The following SLC4A10 variants were observed in gnomAD, a reference collection of about 807,000 sequenced individuals.
The protein encoded by SLC4A10 is sodium-driven chloride bicarbonate exchanger.
In SLC4A10, 42 loss-of-function variants were observed where a neutral mutation model predicts 137.7. The ratio of observed to expected loss-of-function variants is 0.30; its 90% confidence interval spans 0.24 to 0.39. The LOEUF is 0.39. SLC4A10 is among the 10% of genes least tolerant of loss of function. The pLI is 1.00. For missense variants in SLC4A10, 925 were observed against 1,355.0 expected (o/e 0.68, Z 4.98); for synonymous variants, 474 against 464.1 (o/e 1.02, Z -0.27).
intron 15 of SLC4A10, among the ~76,000 whole-genome samples, chr2:161,918,892 G>A (rs1310337014): frequency 7.9e-5 from 12 of 152,196 alleles, no homozygotes; most frequent in Non-Finnish European, 1.5e-5. Context: ...TTCTGAGTTG[G>A]TGGGGTGGGA....
chr2:161,837,879 G>T (rs1480250548), intron 3 of SLC4A10, among the ~76,000 whole-genome samples: 1 of 152,132 alleles, frequency 6.6e-6, no homozygotes, highest in Non-Finnish European at 1.5e-5. Context: ...ATTGGGATTA[G>T]TGCCCTTATA....
intron 4 of SLC4A10, among the ~76,000 whole-genome samples, chr2:161,852,775 A>G (rs891765533): frequency 6.6e-6 from 1 of 152,206 alleles, no homozygotes; most frequent in Admixed American, 6.5e-5. Flanking sequence ...TTTTAAAAAA[A>G]ACTTAGAGTT....
intron 1 of SLC4A10, among the ~76,000 whole-genome samples, chr2:161,754,525 G>C (rs1445837250): frequency 1.3e-5 from 2 of 152,094 alleles, no homozygotes; most frequent in Non-Finnish European, 2.9e-5. Flanking sequence ...GGCAGAAAAG[G>C]AATCAAAATT....
intron 1 of SLC4A10, among the ~76,000 whole-genome samples, chr2:161,667,828 C>T (rs1223979575): frequency 6.6e-6 from 1 of 151,506 alleles, no homozygotes; most frequent in African/African-American, 2.4e-5. Context: ...GAGGTTGTAT[C>T]TAGTTTTTTA....
intron 1 of SLC4A10, among the ~76,000 whole-genome samples, chr2:161,716,559 G>A (rs896476579): frequency 1.3e-5 from 2 of 151,696 alleles, no homozygotes. Flanking sequence ...TTATTAAATA[G>A]GGAATCCTTT....
intron 1 of SLC4A10, among the ~76,000 whole-genome samples, chr2:161,719,697 CT>C (rs1037836614): frequency 6.6e-6 from 1 of 152,166 alleles, no homozygotes; most frequent in African/African-American, 2.4e-5. Context: ...GCATAAATGT[CT>C]TCTTTTGAGA....
chr2:161,883,330 G>A (rs1162943023), intron 10 of SLC4A10, among the ~76,000 whole-genome samples: 1 of 152,086 alleles, frequency 6.6e-6, no homozygotes, highest in East Asian at 1.9e-4. Context: ...AATTAGTATT[G>A]TATATTACTT....
rs1034523157 is a variant in SLC4A10 at position 161,852,856 on chromosome 2, A to G, written c.417-2114A>G. ...TTATTTAATGTGTTTAATTTGTCTC[A>G]TCATTTTACCTGTGAGAAAACTGAC... On this transcript the variant is annotated intron_variant, in intron 4 of 26. Coordinates refer to ENST00000446997, the MANE Select transcript of SLC4A10 (RefSeq NM_001178015.2). Among the ~76,000 whole-genome samples the G allele has an allele frequency of 3.9e-5, 6 of 152,218 alleles. No homozygotes were observed. In the East Asian group the frequency reaches 1.2e-3, roughly 29 times the overall value.
chr2:161,967,300 G>C (rs1697771080), intron 23 of SLC4A10, among the ~76,000 whole-genome samples: 1 of 152,034 alleles, frequency 6.6e-6, no homozygotes, highest in Non-Finnish European at 1.5e-5. Context: ...ATAGCGTCTT[G>C]GCCAGTCTTA....
At chr2:161,732,430 C>T (rs1050592239) in intron 1 of SLC4A10, among the ~76,000 whole-genome samples, 1 of 152,158 alleles carries the variant, frequency 6.6e-6, no homozygotes, top group African/African-American at 2.4e-5. Flanking sequence ...ATATATTTTA[C>T]CATGTCACAA....
At chr2:161,734,862 G>A (rs552030892) in intron 1 of SLC4A10, among the ~76,000 whole-genome samples, 11 of 152,036 alleles carry the variant, frequency 7.2e-5, no homozygotes, top group African/African-American at 2.7e-4. Context: ...GGAGGGACCT[G>A]GTAAGAGTGA....
chr2:161,706,276 A>G (rs970557920), intron 1 of SLC4A10, among the ~76,000 whole-genome samples: 5 of 151,614 alleles, frequency 3.3e-5, no homozygotes, highest in African/African-American at 1.2e-4. Context: ...CAGTGTTTGT[A>G]TTCTTGCTGT....
At chr2:161,800,251 C>T (rs781328841) in intron 2 of SLC4A10, among the ~76,000 whole-genome samples, 14 of 151,996 alleles carry the variant, frequency 9.2e-5, no homozygotes, top group Non-Finnish European at 5.9e-5. Context: ...AGTTTTAGTA[C>T]TGTTGCTAAA....
intron 8 of SLC4A10, among the ~76,000 whole-genome samples, chr2:161,878,792 G>T (rs2061582416): frequency 6.6e-6 from 1 of 152,056 alleles, no homozygotes; most frequent in South Asian, 2.1e-4. Context: ...AAATCTGTTG[G>T]CAAATGCTAA....
chr2:161,758,683 T>G (rs2049931203), intron 1 of SLC4A10, among the ~76,000 whole-genome samples: 1 of 152,094 alleles, frequency 6.6e-6, no homozygotes, highest in South Asian at 2.1e-4. Flanking sequence ...TATTACAAAC[T>G]TACAAAGGGC....
At chr2:161,739,434 C>A (rs2047658990) in intron 1 of SLC4A10, among the ~76,000 whole-genome samples, 1 of 152,146 alleles carries the variant, frequency 6.6e-6, no homozygotes, top group Admixed American at 6.6e-5. Flanking sequence ...TTCTTGCCTA[C>A]TATGGGACAT....
chr2:161,819,499 CA>C lies in SLC4A10; in HGVS notation c.277+14905del, dbSNP rs371047232. On this transcript the variant is annotated intron_variant, in intron 3 of 26. Transcript: ENST00000446997. ...CCCAGTAACAAAGCTGCTAAAATTT[CA>C]CTTTTTTTTTTTGAGACAGAGTCTC... Among the ~76,000 whole-genome samples, 978 of 145,606 alleles carry C rather than the reference CA, an allele frequency of 6.7e-3. 12 individuals carry two copies. The highest frequency in any genetic ancestry group is 0.023 in the African/African-American group (928 of 40,704).
chr2:161,912,453 G>T (rs1321751735), intron 15 of SLC4A10, among the ~76,000 whole-genome samples: 1 of 152,074 alleles, frequency 6.6e-6, no homozygotes, highest in African/African-American at 2.4e-5. Context: ...AACTGACCTA[G>T]ATTCAAGGAT....
chr2:161,643,924 G>A (rs2035646430), intron 1 of SLC4A10, among the ~76,000 whole-genome samples: 1 of 152,104 alleles, frequency 6.6e-6, no homozygotes, highest in Admixed American at 6.6e-5. Context: ...AAATAGAATG[G>A]AGTGATTCCA....
Sources: gnomAD v4.1 joint callset for allele counts (sites outside exome capture counted in the v4.1 genomes callset) on GRCh38, gnomAD v4.1.1 for gene constraint, MANE v1.5 for transcripts, NCBI Gene and HGNC (gene_info 2026-07-23, HGNC 2026-07-21) for gene names.